Variants in PAK1 observed in about 807,000 individuals in gnomAD.
PAK1 encodes serine/threonine-protein kinase PAK 1.
In PAK1, 29 loss-of-function variants were observed where a neutral mutation model predicts 67.4. That is an observed-to-expected ratio of 0.43 (90% confidence interval 0.32 to 0.59). The LOEUF is 0.59. PAK1 is among the 20% of genes least tolerant of loss of function. The probability of loss-of-function intolerance (pLI) is 0.07; values close to 1 mark genes in which losing one functional copy is unlikely to be tolerated. For synonymous variants in PAK1, 223 were observed against 237.4 expected (o/e 0.94, Z 0.56); for missense variants, 337 against 670.7 (o/e 0.50, Z 5.50).
chr11:77,512,968 C>G, the PAK1 span, among the ~76,000 whole-genome samples: 1 of 152,076 alleles, frequency 6.6e-6, no homozygotes, highest in Admixed American at 6.5e-5. Flanking sequence ...GTGGCACACA[C>G]CTGTAGTCCC....
chr11:77,460,736 G>T (rs1288503036), intron 1 of PAK1, among the ~76,000 whole-genome samples: 1 of 152,112 alleles, frequency 6.6e-6, no homozygotes, highest in Non-Finnish European at 1.5e-5. Context: ...TGAGGCAAGA[G>T]AACAGAATGA....
At chr11:77,474,669 T>G (rs1958029206), upstream of PAK1, 1 of 152,216 alleles carries the variant, frequency 6.6e-6, no homozygotes, top group Non-Finnish European at 1.5e-5. Flanking sequence ...ATGTTTTCTT[T>G]CTGTGGGAGA....
chr11:77,463,854 C>T (rs1957473772), intron 1 of PAK1, among the ~76,000 whole-genome samples: 1 of 152,018 alleles, frequency 6.6e-6, no homozygotes, highest in South Asian at 2.1e-4. Context: ...TTTTTAGTTC[C>T]TCTATGTTGA....
chr11:77,396,245 C>A (rs1375559065), intron 1 of PAK1, among the ~76,000 whole-genome samples: 2 of 152,194 alleles, frequency 1.3e-5, no homozygotes, highest in African/African-American at 2.4e-5. Context: ...TATTTCAATT[C>A]TTTTACTACA....
chr11:77,324,798 GAGAGAGAGAAAGAGAA>G (rs1939366660), intron 14 of PAK1, among the ~76,000 whole-genome samples: 1 of 150,230 alleles, frequency 6.7e-6, no homozygotes, highest in Non-Finnish European at 1.5e-5. Context: ...GAGACAGAGA[GAGAGAGAGAAAGAGAA>G]AGAGAGAGAA....
the PAK1 span, among the ~76,000 whole-genome samples, chr11:77,506,328 G>A: frequency 6.6e-6 from 1 of 152,262 alleles, no homozygotes; most frequent in South Asian, 2.1e-4. Flanking sequence ...CATGTTATAG[G>A]TAGGAAAGTA....
At chr11:77,359,549 C>T (rs1946500011) in intron 5 of PAK1, among the ~76,000 whole-genome samples, 1 of 152,120 alleles carries the variant, frequency 6.6e-6, no homozygotes, top group Non-Finnish European at 1.5e-5. Flanking sequence ...GGGGTCCTCA[C>T]CTCAACCTGA....
the PAK1 span, among the ~76,000 whole-genome samples, chr11:77,503,066 A>T: frequency 2.2e-3 from 342 of 152,320 alleles, 2 homozygotes; most frequent in Non-Finnish European, 4.0e-3. Flanking sequence ...GCTGTGAGTT[A>T]TCTGGCTTGG....
upstream of PAK1, among the ~76,000 whole-genome samples, chr11:77,479,487 G>A (rs1315347941): frequency 6.6e-6 from 1 of 152,088 alleles, no homozygotes; most frequent in African/African-American, 2.4e-5. Context: ...AAGAGCTCTG[G>A]AGACATTTTA....
At chr11:77,484,618 T>G in the PAK1 span, among the ~76,000 whole-genome samples, 1 of 152,222 alleles carries the variant, frequency 6.6e-6, no homozygotes, top group Non-Finnish European at 1.5e-5. Context: ...TGCCTATTGC[T>G]GCCAGGAAGA....
At chr11:77,332,906 G>A in intron 13 of PAK1, 39 bp from the exon 14 acceptor site, 2 of 1,604,560 alleles carry the variant, frequency 1.2e-6, no homozygotes, top group Non-Finnish European at 1.7e-6. Context: ...AGCTCCAAAT[G>A]AGGCTCTCTC....
At position 77,377,695 on chromosome 11, in the gene PAK1, C is replaced by T. The variant is rs115548924; in HGVS notation, c.439+1546G>A. 3.1e-3 allele frequency among the ~76,000 whole-genome samples: 478 copies of T among 152,312 alleles called. 4 individuals are homozygous for T. The highest frequency in any genetic ancestry group is 0.011 in the African/African-American group (443 of 41,566). On this transcript the variant is annotated intron_variant, in intron 4 of 14. Transcript: ENST00000356341. ...ATGTCTCTGTTTACATACACATTTA[C>T]ATGCCACTAGCACATATTTACATAC...
At chr11:77,340,602 T>C (rs1591760551) in intron 11 of PAK1, 44 bp downstream of exon 11, 1 of 941,442 alleles carries the variant, frequency 1.1e-6, no homozygotes, top group Non-Finnish European at 1.8e-6. Context: ...GACAGGAATA[T>C]GGAGGCAGCT....
At chr11:77,392,885 C>T (rs1317138736) in intron 1 of PAK1, among the ~76,000 whole-genome samples, 1 of 152,196 alleles carries the variant, frequency 6.6e-6, no homozygotes, top group Non-Finnish European at 1.5e-5. Context: ...AGAAATTCTT[C>T]AACCTCTTAG....
chr11:77,365,267 AAG>A (rs1322256939), intron 5 of PAK1, among the ~76,000 whole-genome samples: 1 of 82,836 alleles, frequency 1.2e-5, no homozygotes, highest in Non-Finnish European at 2.5e-5. Context: ...AAAAAAAAAA[AAG>A]AAAAAAGAAA....
At chr11:77,418,698 A>G (rs1374436684) in intron 1 of PAK1, among the ~76,000 whole-genome samples, 1 of 152,174 alleles carries the variant, frequency 6.6e-6, no homozygotes, top group Non-Finnish European at 1.5e-5. Context: ...TTTCTCTTTC[A>G]GTTTTTGTCA....
the PAK1 span, among the ~76,000 whole-genome samples, chr11:77,482,173 G>A: frequency 6.6e-6 from 1 of 151,996 alleles, no homozygotes; most frequent in Admixed American, 6.6e-5. Flanking sequence ...ATTTTTAATA[G>A]AGATGGGGTT....
At chr11:77,329,437 G>C (rs531662891) in intron 14 of PAK1, 1 of 152,338 alleles carries the variant, frequency 6.6e-6, no homozygotes, top group South Asian at 2.1e-4. Context: ...TATCCGCCAT[G>C]ATCAAGTGGG....
upstream of PAK1, chr11:77,474,161 C>G (rs1205455271): frequency 6.6e-6 from 1 of 151,804 alleles, no homozygotes; most frequent in Non-Finnish European, 1.5e-5. Context: ...GCCTCCTCCT[C>G]CCCTCTGCCC....
Sources: gnomAD v4.1 joint callset for allele counts (sites outside exome capture counted in the v4.1 genomes callset) on GRCh38, gnomAD v4.1.1 for gene constraint, MANE v1.5 for transcripts, NCBI Gene and HGNC (gene_info 2026-07-23, HGNC 2026-07-21) for gene names.